MPPED2: variants seen among roughly 807,000 people sequenced by gnomAD.
MPPED2 encodes metallophosphoesterase MPPED2.
Under a neutral mutation model 33.0 loss-of-function variants are expected in MPPED2, and 5 were observed. The ratio of observed to expected loss-of-function variants is 0.15; its 90% CI spans 0.08 to 0.32. MPPED2 has a LOEUF of 0.32. MPPED2 is among the 10% of genes least tolerant of loss of function. The pLI, the probability that MPPED2 is intolerant of heterozygous loss-of-function variation, is 1.00. For synonymous variants in MPPED2, 136 were observed against 141.9 expected (o/e 0.96, Z 0.29); for missense variants, 275 against 372.1 (o/e 0.74, Z 2.15).
At chr11:30,543,651 T>C (rs1366653132) in intron 2 of MPPED2, among the ~76,000 whole-genome samples, 1 of 152,096 alleles carries the variant, frequency 6.6e-6, no homozygotes, top group East Asian at 1.9e-4. Context: ...AGAAGTGAAA[T>C]TGCAATTTAC....
chr11:30,435,673 T>C (rs572551283), intron 4 of MPPED2, among the ~76,000 whole-genome samples: 1 of 152,306 alleles, frequency 6.6e-6, no homozygotes, highest in South Asian at 2.1e-4. Context: ...ATCCCTTCCC[T>C]AGACTGGAAT....
At position 30,547,068 on chromosome 11, in the gene MPPED2, A is replaced by C. The variant is rs1462607184; in HGVS notation, c.129-10893T>G. Among the ~76,000 whole-genome samples, 6 of 152,190 alleles carry C rather than the reference A, an allele frequency of 3.9e-5. No homozygotes were observed. The East Asian group carries it at 1.2e-3, about 29-fold the overall frequency. Reference sequence around the variant, plus strand: ...ATATCATACTTTCCTCATGATTTTCACAGGGTTTGTATATCCAAGTTGTAG... The same window carrying C: ...ATATCATACTTTCCTCATGATTTTCCCAGGGTTTGTATATCCAAGTTGTAG... On this transcript the variant is annotated intron_variant, in intron 2 of 6. Transcript: ENST00000358117.
chr11:30,403,969 G>A (rs1056700479), intron 6 of MPPED2, among the ~76,000 whole-genome samples: 2 of 152,186 alleles, frequency 1.3e-5, no homozygotes, highest in African/African-American at 4.8e-5. Context: ...GAGAGCTCAT[G>A]AGGGAATCTC....
At chr11:30,432,125 C>T (rs966581821) in intron 4 of MPPED2, among the ~76,000 whole-genome samples, 5 of 151,182 alleles carry the variant, frequency 3.3e-5, no homozygotes, top group East Asian at 1.9e-4. Flanking sequence ...GCCGAGATCG[C>T]GCCACTGCCC....
intron 4 of MPPED2, among the ~76,000 whole-genome samples, chr11:30,440,336 A>C (rs1949513928): frequency 6.6e-6 from 1 of 152,074 alleles, no homozygotes; most frequent in African/African-American, 2.4e-5. Context: ...TCTCCAAAAA[A>C]AAAAAAAAAG....
At position 30,411,596 on chromosome 11, in the gene MPPED2, G is replaced by A; in HGVS notation, c.767-10C>T. Reference sequence around the variant, plus strand: ...GTCATGATGCCATAACCTGTGGGGAGAGCGTGTCACATTTACTGTAATATA... The same window carrying A: ...GTCATGATGCCATAACCTGTGGGGAAAGCGTGTCACATTTACTGTAATATA... On this transcript the variant is annotated splice_polypyrimidine_tract_variant and intron_variant, in intron 6 of 6. Coordinates refer to ENST00000358117, the MANE Select transcript of MPPED2 (RefSeq NM_001584.3). The A allele has an allele frequency of 1.2e-6, 2 of 1,607,022 alleles. No homozygotes were observed. Among genetic ancestry groups the A allele is most frequent in the African/African-American group, 1.3e-5 (1 of 74,970 alleles).
intron 2 of MPPED2, among the ~76,000 whole-genome samples, chr11:30,557,824 G>A (rs577814759): frequency 2.6e-4 from 40 of 152,280 alleles, no homozygotes; most frequent in African/African-American, 9.1e-4. Context: ...ATGACCATGA[G>A]GGATCCAATC....
intron 1 of MPPED2, among the ~76,000 whole-genome samples, chr11:30,582,484 T>C (rs1327739954): frequency 6.6e-6 from 1 of 152,242 alleles, no homozygotes. Context: ...ATCAAATTCA[T>C]GTCTAGACCG....
intron 6 of MPPED2, among the ~76,000 whole-genome samples, chr11:30,404,806 T>C (rs1207972872): frequency 6.6e-6 from 1 of 152,238 alleles, no homozygotes; most frequent in Non-Finnish European, 1.5e-5. Flanking sequence ...ACCTGGCTTA[T>C]GGTGTTCAGT....
chr11:30,570,562 G>A (rs1956645367), intron 2 of MPPED2, among the ~76,000 whole-genome samples: 2 of 152,086 alleles, frequency 1.3e-5, no homozygotes, highest in African/African-American at 4.8e-5. Flanking sequence ...TATCTTTGAA[G>A]TCTCCAGGCA....
intron 6 of MPPED2, 78 bp downstream of exon 6, chr11:30,414,150 C>T (rs936083466): frequency 5.1e-6 from 5 of 983,402 alleles, no homozygotes; most frequent in Non-Finnish European, 8.1e-6. Context: ...AAAACAACTA[C>T]TCCACTTATT....
chr11:30,444,342 G>T (rs763600755), intron 4 of MPPED2, among the ~76,000 whole-genome samples: 2 of 152,022 alleles, frequency 1.3e-5, no homozygotes, highest in Non-Finnish European at 2.9e-5. Context: ...CTCACAAAAT[G>T]CTTCAAACAC....
At position 30,457,752 on chromosome 11, in the gene MPPED2, CA is replaced by C. The variant is rs1371526571; in HGVS notation, c.536+37543del. ...AGGTCATGCCCTTTCAAGTACACTG[CA>C]AAAAAGTTCACAATATATGCTGTTT... On this transcript the variant is annotated intron_variant, in intron 4 of 6. Coordinates refer to ENST00000358117, the MANE Select transcript of MPPED2 (RefSeq NM_001584.3). 2.6e-5 allele frequency among the ~76,000 whole-genome samples: 4 copies of C among 152,052 alleles called. No individual in the cohort carries two copies. The East Asian group carries it at 7.7e-4, about 29-fold the overall frequency.
intron 2 of MPPED2, among the ~76,000 whole-genome samples, chr11:30,566,904 GAGA>G (rs1956467124): frequency 6.6e-6 from 1 of 152,148 alleles, no homozygotes; most frequent in Non-Finnish European, 1.5e-5. Flanking sequence ...CTAATCCAGA[GAGA>G]AGGACAGGGG....
chr11:30,586,441 C>A (rs1371889336), upstream of MPPED2, among the ~76,000 whole-genome samples: 1 of 152,040 alleles, frequency 6.6e-6, no homozygotes, highest in African/African-American at 2.4e-5. This position sits in a 1 kb window ranked among gnomAD's most constrained non-coding sequence, Gnocchi z 4.8. Context: ...CCCGGCGGGA[C>A]CCCGCGCCCC....
At chr11:30,509,959 C>T (rs1953063213) in intron 3 of MPPED2, among the ~76,000 whole-genome samples, 1 of 152,180 alleles carries the variant, frequency 6.6e-6, no homozygotes, top group Admixed American at 6.5e-5. Context: ...AAATGATTCA[C>T]TTTGTAGATC....
At chr11:30,470,205 G>C (rs576063) in intron 4 of MPPED2, among the ~76,000 whole-genome samples, 1 of 152,050 alleles carries the variant, frequency 6.6e-6, no homozygotes, top group Non-Finnish European at 1.5e-5. Context: ...TCTAATGTAA[G>C]AGGTTTTGGA....
chr11:30,537,815 GA>G (rs2134501091), intron 2 of MPPED2, among the ~76,000 whole-genome samples: 1 of 152,284 alleles, frequency 6.6e-6, no homozygotes, highest in African/African-American at 2.4e-5. Context: ...TTACCACGTA[GA>G]AAATTCACTA....
At chr11:30,558,670 C>T (rs1034762785) in intron 2 of MPPED2, among the ~76,000 whole-genome samples, 3 of 151,772 alleles carry the variant, frequency 2.0e-5, no homozygotes, top group African/African-American at 7.3e-5. Context: ...AATAACCCTG[C>T]GTTGGCCTCC....
Sources: allele counts gnomAD v4.1 joint callset (sites outside exome capture counted in the v4.1 genomes callset), GRCh38; gene constraint gnomAD v4.1.1; non-coding constraint Gnocchi (gnomAD v3.1); transcripts MANE v1.5; gene names NCBI Gene and HGNC (gene_info 2026-07-23, HGNC 2026-07-21).